ADCY2: variants seen among roughly 807,000 people sequenced by gnomAD.
The protein encoded by ADCY2 is adenylate cyclase 2, also known as adenylate cyclase type 2.
ADCY2 carries 31 observed loss-of-function variants against 125.2 expected under a neutral mutation model. That is an observed-to-expected ratio of 0.25 (90% CI 0.19 to 0.33). ADCY2 has a LOEUF of 0.33. ADCY2 is among the 10% of genes least tolerant of loss of function. The pLI is 1.00. For synonymous variants in ADCY2, 512 were observed against 548.4 expected, an observed-to-expected ratio of 0.93 and a Z score of 0.93; for missense variants, 904 against 1,418.2, an observed-to-expected ratio of 0.64 and a Z score of 5.82.
chr5:7,595,420 T>G (rs1736975577), intron 3 of ADCY2, among the ~76,000 whole-genome samples: 1 of 152,222 alleles, frequency 6.6e-6, no homozygotes, highest in South Asian at 2.1e-4. Flanking sequence ...TTAAATCTAT[T>G]TTTTCCAAAT....
intron 1 of ADCY2, among the ~76,000 whole-genome samples, chr5:7,398,370 CTT>C (rs2111431009): frequency 6.6e-6 from 1 of 152,256 alleles, no homozygotes; most frequent in African/African-American, 2.4e-5. Flanking sequence ...TTTGAATTGT[CTT>C]TGTTCTTTGT....
intron 23 of ADCY2, among the ~76,000 whole-genome samples, chr5:7,818,196 A>G (rs1024990390): frequency 6.6e-6 from 1 of 152,186 alleles, no homozygotes; most frequent in African/African-American, 2.4e-5. Context: ...TTTAAAAAGA[A>G]ATCTGAATAT....
chr5:7,694,760 G>T (rs1240751772), intron 5 of ADCY2, among the ~76,000 whole-genome samples: 1 of 152,166 alleles, frequency 6.6e-6, no homozygotes, highest in Non-Finnish European at 1.5e-5. Context: ...ATCTATTCAA[G>T]TTCCTGATTT....
At chr5:7,715,362 C>T (rs1741563309) in intron 11 of ADCY2, among the ~76,000 whole-genome samples, 1 of 152,146 alleles carries the variant, frequency 6.6e-6, no homozygotes, top group Non-Finnish European at 1.5e-5. Flanking sequence ...TTACATTTTC[C>T]TGTAAGCCTC....
At chr5:7,748,203 G>A (rs911158904) in intron 15 of ADCY2, among the ~76,000 whole-genome samples, 1 of 152,186 alleles carries the variant, frequency 6.6e-6, no homozygotes, top group East Asian at 1.9e-4. Context: ...TCTCCAGATG[G>A]CTTAGCAGGA....
chr5:7,480,695 C>T (rs10056602), intron 2 of ADCY2, among the ~76,000 whole-genome samples: 1 of 151,976 alleles, frequency 6.6e-6, no homozygotes, highest in Non-Finnish European at 1.5e-5. Context: ...GTACAACAAA[C>T]CCCCATGACA....
intron 1 of ADCY2, among the ~76,000 whole-genome samples, chr5:7,404,570 A>C (rs1311114770): frequency 1.3e-5 from 2 of 152,230 alleles, no homozygotes; most frequent in African/African-American, 4.8e-5. Context: ...CCAAGGAGGA[A>C]AAGCTTGCTT....
intron 3 of ADCY2, among the ~76,000 whole-genome samples, chr5:7,593,961 G>C (rs2126628411): frequency 6.6e-6 from 1 of 152,322 alleles, no homozygotes; most frequent in South Asian, 2.1e-4. Flanking sequence ...TAGGTACAAA[G>C]TGCAAGAAAA....
intron 3 of ADCY2, among the ~76,000 whole-genome samples, chr5:7,600,159 C>T (rs751342782): frequency 6.6e-6 from 1 of 152,164 alleles, no homozygotes; most frequent in Non-Finnish European, 1.5e-5. Context: ...CTGGAACTGA[C>T]TTCTCTTTCA....
chr5:7,664,499 C>G (rs185194798), intron 4 of ADCY2, among the ~76,000 whole-genome samples: 1 of 152,272 alleles, frequency 6.6e-6, no homozygotes, highest in Admixed American at 6.5e-5. Flanking sequence ...TTATCTTGCC[C>G]AATTTCCTAT....
At chr5:7,670,536 G>A (rs1032307535) in intron 4 of ADCY2, among the ~76,000 whole-genome samples, 4 of 152,084 alleles carry the variant, frequency 2.6e-5, no homozygotes, top group African/African-American at 9.7e-5. Context: ...TTATATACTA[G>A]AAATATATGC....
At chr5:7,566,636 C>A (rs1454042105) in intron 3 of ADCY2, among the ~76,000 whole-genome samples, 4 of 152,134 alleles carry the variant, frequency 2.6e-5, no homozygotes, top group African/African-American at 9.7e-5. Context: ...AACTTCGCAA[C>A]AGCCAGGAGT....
chr5:7,553,039 T>A (rs1171866868), intron 3 of ADCY2, among the ~76,000 whole-genome samples: 13 of 152,184 alleles, frequency 8.5e-5, no homozygotes, highest in Non-Finnish European at 1.9e-4. Context: ...CAGTGCCCTT[T>A]TCCTTTCTGG....
At chr5:7,680,983 G>A (rs771565313) in intron 4 of ADCY2, among the ~76,000 whole-genome samples, 1 of 152,190 alleles carries the variant, frequency 6.6e-6, no homozygotes, top group Non-Finnish European at 1.5e-5. Flanking sequence ...TACAGAAATA[G>A]GATATGTATG....
At chr5:7,404,198 A>G (rs907080559) in intron 1 of ADCY2, among the ~76,000 whole-genome samples, 13 of 152,108 alleles carry the variant, frequency 8.5e-5, no homozygotes, top group African/African-American at 2.9e-4. Flanking sequence ...TGTTTTCCAT[A>G]TGCTTTATTT....
At chr5:7,805,313 C>T (rs1011971852) in intron 22 of ADCY2, among the ~76,000 whole-genome samples, 3 of 151,682 alleles carry the variant, frequency 2.0e-5, no homozygotes, top group Non-Finnish European at 4.4e-5. Flanking sequence ...AGAGTGACAC[C>T]GCATCTAAAA....
At chr5:7,626,067 G>A (rs1738111437) in intron 3 of ADCY2, 100 bp from the exon 4 acceptor site, 7 of 1,317,452 alleles carry the variant, frequency 5.3e-6, no homozygotes, top group Non-Finnish European at 7.3e-6. Flanking sequence ...ACTTCCTGCA[G>A]TTATCTCTCT....
chr5:7,645,909 T>A (rs868377014), intron 4 of ADCY2, among the ~76,000 whole-genome samples: 2 of 152,168 alleles, frequency 1.3e-5, no homozygotes, highest in South Asian at 4.1e-4. Context: ...CAAAAAACAA[T>A]AAAGCAAACA....
chr5:7,430,302 C>T (rs1346183516), intron 2 of ADCY2, among the ~76,000 whole-genome samples: 1 of 151,822 alleles, frequency 6.6e-6, no homozygotes, highest in Non-Finnish European at 1.5e-5. Context: ...CTCAATTCTA[C>T]AGAAATTCAT....
Sources: gnomAD v4.1 joint callset for allele counts (sites outside exome capture counted in the v4.1 genomes callset) on GRCh38, gnomAD v4.1.1 for gene constraint, MANE v1.5 for transcripts, NCBI Gene and HGNC (gene_info 2026-07-23, HGNC 2026-07-21) for gene names.